KLHL1: variants seen among roughly 807,000 people sequenced by gnomAD.
KLHL1 encodes kelch-like protein 1.
In KLHL1, 47 loss-of-function variants were observed where a neutral mutation model predicts 77.7. The ratio of observed to expected loss-of-function variants is 0.60; its 90% confidence interval spans 0.48 to 0.77. The LOEUF is 0.77. KLHL1 is among the 30% of genes least tolerant of loss of function. The pLI is 0.00. For synonymous variants in KLHL1, 360 were observed against 325.2 expected (o/e 1.11, Z -1.15); for missense variants, 925 against 910.8 (o/e 1.02, Z -0.20).
At chr13:69,825,429 G>A (rs1878507371) in intron 6 of KLHL1, among the ~76,000 whole-genome samples, 1 of 152,100 alleles carries the variant, frequency 6.6e-6, no homozygotes, top group African/African-American at 2.4e-5. Flanking sequence ...GGAAAAACCT[G>A]CCAGTTAAAT....
At chr13:69,832,973 A>G (rs532536063) in intron 6 of KLHL1, among the ~76,000 whole-genome samples, 9 of 152,190 alleles carry the variant, frequency 5.9e-5, no homozygotes, top group Non-Finnish European at 1.3e-4. Flanking sequence ...AAAGACTTAA[A>G]TCTAAGACGT....
intron 4 of KLHL1, among the ~76,000 whole-genome samples, chr13:69,897,788 C>T (rs1173836682): frequency 1.3e-5 from 2 of 152,046 alleles, no homozygotes; most frequent in Non-Finnish European, 2.9e-5. Context: ...TTATAGAAGC[C>T]CTGCAAGCCA....
At chr13:70,105,598 G>A (rs990487512) in intron 1 of KLHL1, among the ~76,000 whole-genome samples, 2 of 151,164 alleles carry the variant, frequency 1.3e-5, no homozygotes, top group African/African-American at 4.8e-5. Context: ...GTTTCCTTTT[G>A]AATATATAAG....
intron 6 of KLHL1, among the ~76,000 whole-genome samples, chr13:69,822,914 C>A (rs1268578872): frequency 6.6e-6 from 1 of 151,766 alleles, no homozygotes; most frequent in African/African-American, 2.4e-5. Context: ...TATACATGTG[C>A]AATTCAGTTT....
chr13:69,801,099 A>G (rs1482479693), intron 6 of KLHL1, among the ~76,000 whole-genome samples: 4 of 152,334 alleles, frequency 2.6e-5, no homozygotes, highest in African/African-American at 9.6e-5. Context: ...TAATCCATGC[A>G]TGTAACAAAA....
intron 6 of KLHL1, among the ~76,000 whole-genome samples, chr13:69,806,224 A>C (rs1382494952): frequency 6.6e-6 from 1 of 152,214 alleles, no homozygotes; most frequent in Non-Finnish European, 1.5e-5. Flanking sequence ...ATTTCAGATG[A>C]ATTGATTACT....
At chr13:69,746,346 A>T (rs1320340196) in intron 7 of KLHL1, among the ~76,000 whole-genome samples, 5 of 149,994 alleles carry the variant, frequency 3.3e-5, no homozygotes, top group Admixed American at 6.6e-5. Flanking sequence ...TTTGGCATTT[A>T]AAATTCTTCT....
intron 7 of KLHL1, among the ~76,000 whole-genome samples, chr13:69,773,493 C>A (rs1875676775): frequency 6.6e-6 from 1 of 151,880 alleles, no homozygotes; most frequent in African/African-American, 2.4e-5. Flanking sequence ...ATGTCTATAT[C>A]AAATAGTGAG....
chr13:69,989,130 T>A (rs186021368), intron 1 of KLHL1, among the ~76,000 whole-genome samples: 4 of 152,246 alleles, frequency 2.6e-5, no homozygotes, highest in Admixed American at 1.3e-4. Context: ...TTGAAATGAT[T>A]TTTGTATATA....
chr13:69,709,971 A>G (rs1875803526), intron 9 of KLHL1, among the ~76,000 whole-genome samples: 1 of 151,814 alleles, frequency 6.6e-6, no homozygotes, highest in African/African-American at 2.4e-5. Flanking sequence ...CTGAATTCAT[A>G]TTATCCTCAT....
intron 3 of KLHL1, among the ~76,000 whole-genome samples, chr13:69,940,782 A>T (rs1593970283): frequency 4.0e-5 from 3 of 74,912 alleles, no homozygotes; most frequent in Admixed American, 1.6e-4. Context: ...TGGTCATTTT[A>T]TCTTAAAGGC....
At chr13:69,853,413 C>T (rs986897183) in intron 5 of KLHL1, among the ~76,000 whole-genome samples, 5 of 151,908 alleles carry the variant, frequency 3.3e-5, no homozygotes, top group Non-Finnish European at 7.4e-5. Context: ...GTAAGTTTCC[C>T]GAGGCCTCCC....
At chr13:69,804,870 G>A (rs951212325) in intron 6 of KLHL1, among the ~76,000 whole-genome samples, 2 of 152,096 alleles carry the variant, frequency 1.3e-5, no homozygotes, top group African/African-American at 2.4e-5. Context: ...ATAGTGAGAT[G>A]CATTTTGGAA....
chr13:70,070,388 C>T (rs940283090), intron 1 of KLHL1, among the ~76,000 whole-genome samples: 4 of 151,788 alleles, frequency 2.6e-5, no homozygotes, highest in Non-Finnish European at 4.4e-5. Flanking sequence ...TATAGAAGAA[C>T]AAAGATAAGA....
chr13:69,870,868 T>C (rs13378913), intron 5 of KLHL1, among the ~76,000 whole-genome samples: 82,356 of 151,600 alleles, frequency 0.54, 23,006 homozygotes, highest in African/African-American at 0.67. Flanking sequence ...CTCATGGTCT[T>C]GTGGTTTTGC....
intron 1 of KLHL1, among the ~76,000 whole-genome samples, chr13:70,054,488 T>C (rs1158666096): frequency 1.3e-5 from 2 of 152,098 alleles, no homozygotes; most frequent in East Asian, 1.9e-4. Flanking sequence ...ATCCATTCTA[T>C]TGTTAATGGA....
At chr13:69,888,368 G>T (rs960580599) in intron 4 of KLHL1, among the ~76,000 whole-genome samples, 4 of 152,092 alleles carry the variant, frequency 2.6e-5, no homozygotes, top group African/African-American at 4.8e-5. Flanking sequence ...GACCTTAGGT[G>T]GAAATAGGGT....
At chr13:69,961,500 T>G in intron 2 of KLHL1, 56 bp from the exon 3 acceptor site, 1 of 1,592,214 alleles carries the variant, frequency 6.3e-7, no homozygotes, top group Non-Finnish European at 8.6e-7. Flanking sequence ...AAAATCACTG[T>G]GTCAACCAGA....
chr13:69,811,275 A>G (rs1305251823), intron 6 of KLHL1, among the ~76,000 whole-genome samples: 1 of 152,140 alleles, frequency 6.6e-6, no homozygotes, highest in Non-Finnish European at 1.5e-5. Context: ...AAGTTAATTC[A>G]TCACAATTAA....
Sources: allele counts gnomAD v4.1 joint callset (sites outside exome capture counted in the v4.1 genomes callset), GRCh38; gene constraint gnomAD v4.1.1; transcripts MANE v1.5; gene names NCBI Gene and HGNC (gene_info 2026-07-23, HGNC 2026-07-21).